ANKRD36C: variants seen among roughly 807,000 people sequenced by gnomAD.
ANKRD36C encodes the protein ankyrin repeat domain 36C, also known as ankyrin repeat domain-containing protein 36C.
ANKRD36C carries 61 observed loss-of-function variants against 276.4 expected under a neutral mutation model. The ratio of observed to expected loss-of-function variants is 0.22; its 90% CI spans 0.18 to 0.27. ANKRD36C has a LOEUF of 0.27. Ranked by LOEUF, ANKRD36C falls within the 10% of genes least tolerant of loss-of-function variation. ANKRD36C has a pLI of 1.00. For missense variants in ANKRD36C, 1,447 were observed against 2,032.3 expected (o/e 0.71, Z 5.54); for synonymous variants, 483 against 680.1 (o/e 0.71, Z 4.51).
intron 28 of ANKRD36C, among the ~76,000 whole-genome samples, chr2:95,925,748 G>T (rs1677387611): frequency 6.6e-6 from 1 of 151,570 alleles, no homozygotes; most frequent in South Asian, 2.1e-4. Context: ...AAAATATACA[G>T]TCAGAAATTA....
chr2:95,855,661 T>C (rs751957503), exon 63 of ANKRD36C: 1 of 1,611,646 alleles, frequency 6.2e-7, no homozygotes, highest in Non-Finnish European at 8.5e-7. Flanking sequence ...GCCTCTCCTG[T>C]GTAATGGAGC....
At chr2:95,951,572 T>C (rs910286739) in intron 14 of ANKRD36C, among the ~76,000 whole-genome samples, 164 bp from the exon 15 acceptor site, 5 of 152,290 alleles carry the variant, frequency 3.3e-5, no homozygotes, top group African/African-American at 1.2e-4. Flanking sequence ...CAGATTCACA[T>C]GGGGTGATGG....
chr2:95,916,812 T>C (rs1362256322), intron 36 of ANKRD36C, among the ~76,000 whole-genome samples: 1 of 151,636 alleles, frequency 6.6e-6, no homozygotes, highest in Non-Finnish European at 1.5e-5. Flanking sequence ...TTCCTATAAT[T>C]TCTTCATCTA....
chr2:95,951,503 T>C (rs979621905), intron 14 of ANKRD36C, 95 bp from the exon 15 acceptor site: 13 of 965,160 alleles, frequency 1.3e-5, no homozygotes, highest in African/African-American at 8.3e-5. Flanking sequence ...AGGAAAAGTA[T>C]GGACATTGAA....
intron 59 of ANKRD36C, among the ~76,000 whole-genome samples, chr2:95,870,877 C>G (rs1675793944): frequency 1.3e-5 from 2 of 152,012 alleles, no homozygotes; most frequent in Admixed American, 6.5e-5. Context: ...GTGCAGAAGC[C>G]TCAGGAGCCG....
chr2:95,866,620 A>G (rs1675687590), intron 60 of ANKRD36C, among the ~76,000 whole-genome samples: 1 of 152,160 alleles, frequency 6.6e-6, no homozygotes, highest in Admixed American at 6.6e-5. Context: ...ATTTAAAAAA[A>G]TAAATGCAGC....
At chr2:95,924,289 C>A (rs566328242) in intron 30 of ANKRD36C, among the ~76,000 whole-genome samples, 127 of 151,680 alleles carry the variant, frequency 8.4e-4, no homozygotes, top group African/African-American at 2.8e-3. Flanking sequence ...AATCTGCCTA[C>A]ATTTCTTGTA....
At chr2:95,959,715 T>C (rs1678411171) in intron 10 of ANKRD36C, among the ~76,000 whole-genome samples, 1 of 152,214 alleles carries the variant, frequency 6.6e-6, no homozygotes, top group African/African-American at 2.4e-5. Flanking sequence ...AAGTTAGCTC[T>C]CTGAACAACA....
chr2:95,942,994 G>A (rs563814420), intron 19 of ANKRD36C, among the ~76,000 whole-genome samples: 1 of 150,646 alleles, frequency 6.6e-6, no homozygotes, highest in South Asian at 2.1e-4. Context: ...TATAAAAATA[G>A]GTACTTTGTT....
At chr2:95,879,433 T>C (rs1329895769) in intron 58 of ANKRD36C, among the ~76,000 whole-genome samples, 1 of 151,318 alleles carries the variant, frequency 6.6e-6, no homozygotes, top group African/African-American at 2.4e-5. Flanking sequence ...CATTTTAGCA[T>C]TACTGAGGAA....
chr2:95,903,021 C>T (rs1359408387), intron 42 of ANKRD36C, 32 bp downstream of exon 53: 8 of 1,570,280 alleles, frequency 5.1e-6, no homozygotes, highest in Non-Finnish European at 6.9e-6. Context: ...TATACATTTA[C>T]TAGTTCACAA....
chr2:95,979,958 T>C (rs1384912479), intron 5 of ANKRD36C, among the ~76,000 whole-genome samples: 1 of 151,952 alleles, frequency 6.6e-6, no homozygotes, highest in Non-Finnish European at 1.5e-5. Flanking sequence ...TGGCTGAGCA[T>C]ATAAGTATGT....
chr2:95,983,908 G>T (rs1045346613), intron 3 of ANKRD36C, among the ~76,000 whole-genome samples: 2 of 151,692 alleles, frequency 1.3e-5, no homozygotes, highest in African/African-American at 4.8e-5. Context: ...GAGCCACTGC[G>T]CTCGGCCAAT....
chr2:95,980,454 A>C (rs1335012463), intron 5 of ANKRD36C, among the ~76,000 whole-genome samples, 194 bp downstream of exon 5: 1 of 152,114 alleles, frequency 6.6e-6, no homozygotes, highest in Non-Finnish European at 1.5e-5. Flanking sequence ...ACCTACTGCT[A>C]CTTACCTAGC....
At chr2:95,984,123 A>T (rs1317165006) in intron 3 of ANKRD36C, among the ~76,000 whole-genome samples, 4 of 152,062 alleles carry the variant, frequency 2.6e-5, no homozygotes, top group African/African-American at 9.7e-5. Flanking sequence ...TTACCAAAGG[A>T]TTTATATAAA....
At chr2:95,871,223 C>G (rs1305486604) in intron 59 of ANKRD36C, among the ~76,000 whole-genome samples, 1 of 152,032 alleles carries the variant, frequency 6.6e-6, no homozygotes, top group Non-Finnish European at 1.5e-5. Flanking sequence ...GTCAGATTCA[C>G]CAAAGTTGAA....
At chr2:95,954,694 T>C (rs1278162339) in intron 13 of ANKRD36C, among the ~76,000 whole-genome samples, 1 of 152,152 alleles carries the variant, frequency 6.6e-6, no homozygotes, top group Non-Finnish European at 1.5e-5. Context: ...TAAAATCCAA[T>C]TATCGTCATT....
chr2:95,963,171 T>C (rs978992806), intron 6 of ANKRD36C, among the ~76,000 whole-genome samples: 3 of 152,062 alleles, frequency 2.0e-5, no homozygotes, highest in Non-Finnish European at 4.4e-5. Context: ...TTGTGTTCTC[T>C]AGTTCAGCCT....
intron 34 of ANKRD36C, 118 bp downstream of exon 36, chr2:95,919,615 G>T: frequency 1.9e-6 from 1 of 526,950 alleles, no homozygotes; most frequent in Non-Finnish European, 2.4e-6. Context: ...CAGGCCTGCT[G>T]AATCAGAATG....
Sources: allele counts gnomAD v4.1 joint callset (sites outside exome capture counted in the v4.1 genomes callset), GRCh38; gene constraint gnomAD v4.1.1; transcripts MANE v1.5; gene names NCBI Gene and HGNC (gene_info 2026-07-23, HGNC 2026-07-21).